Variants in WNT7B observed in about 807,000 individuals in gnomAD.
The protein encoded by WNT7B is Wnt family member 7B.
A neutral mutation model predicts 38.2 loss-of-function variants in WNT7B; 19 were observed. The ratio of observed to expected loss-of-function variants is 0.50; its 90% CI spans 0.35 to 0.73. The LOEUF (loss-of-function observed/expected upper bound fraction) is 0.73, where lower values mean the gene tolerates loss of function less well. Among genes scored for constraint, WNT7B ranks in the 30% least tolerant of loss-of-function variants. The pLI is 0.01. For synonymous variants in WNT7B, 243 were observed against 209.3 expected (o/e 1.16, Z -1.39); for missense variants, 423 against 507.9 (o/e 0.83, Z 1.61).
intron 2 of WNT7B, among the ~76,000 whole-genome samples, chr22:45,940,338 G>T (rs932238241): frequency 3.3e-5 from 5 of 152,044 alleles, no homozygotes; most frequent in Non-Finnish European, 7.4e-5. Context: ...ATCTGACCAG[G>T]ACCCCAGAGT....
chr22:45,927,275 G>T, intron 3 of WNT7B: 1 of 985,380 alleles, frequency 1.0e-6, no homozygotes, highest in Non-Finnish European at 1.2e-6. Flanking sequence ...CAGGCACCCT[G>T]CGGCAGCCCA....
At chr22:45,953,139 TTCCCCTCACAGCCACCGTGTCCGTGCCC>T (rs1569120508) in intron 1 of WNT7B, among the ~76,000 whole-genome samples, 10 of 128,980 alleles carry the variant, frequency 7.8e-5, no homozygotes, top group African/African-American at 2.9e-4. Context: ...CGTGCCCGGC[TTCCCCTCACAGCCACCGTGTCCGTGCCC>T]GGCTTCCCCT....
chr22:45,957,669 C>A (rs1424088899), intron 1 of WNT7B, among the ~76,000 whole-genome samples: 4 of 100,982 alleles, frequency 4.0e-5, no homozygotes, highest in Non-Finnish European at 7.0e-5. Context: ...CGTGAGGGAG[C>A]AAGACTCCGT....
At position 45,960,594 on chromosome 22, in the gene WNT7B, C is replaced by G. The variant is rs181702664; in HGVS notation, c.72-10448G>C. 3.0e-4 allele frequency among the ~76,000 whole-genome samples: 46 copies of G among 152,352 alleles called. No individual in the cohort carries two copies. The East Asian group carries it at 8.5e-3, about 28-fold the overall frequency. Reference sequence around the variant, plus strand: ...GCCCCTGGCCCTGGCTGCCGGGCGGCCCTGGGCTCCTGCGGCCCACGCTTC... The same window carrying G: ...GCCCCTGGCCCTGGCTGCCGGGCGGGCCTGGGCTCCTGCGGCCCACGCTTC... On this transcript the variant is annotated intron_variant, in intron 1 of 3. Transcript: ENST00000339464.
chr22:45,942,968 TGTGC>T (rs1466396892), intron 2 of WNT7B, among the ~76,000 whole-genome samples: 3 of 150,724 alleles, frequency 2.0e-5, no homozygotes, highest in African/African-American at 7.4e-5. Flanking sequence ...TGCATGTGTG[TGTGC>T]GTGTGTGCAG....
In WNT7B at chr22:45,966,844, C is replaced by T. The variant is rs570108709; in HGVS notation, c.71+9840G>A. ...CCTCTGGAAAGGCCAACCACTCCAC[C>T]GGCTGCTTGCACAGAGAACCTGTGA... On this transcript the variant is annotated intron_variant, in intron 1 of 3. Coordinates refer to ENST00000339464, the MANE Select transcript of WNT7B (RefSeq NM_058238.3). The surrounding 1 kb of genome is among the most constrained non-coding windows in gnomAD (Gnocchi z 4.2). 2.6e-5 allele frequency among the ~76,000 whole-genome samples: 4 copies of T among 152,342 alleles called. No homozygotes were observed. Among genetic ancestry groups the T allele is most frequent in the Admixed American group, 6.5e-5 (1 of 15,308 alleles).
chr22:45,925,054 C>T (rs1693966753), intron 3 of WNT7B: 3 of 973,508 alleles, frequency 3.1e-6, no homozygotes, highest in Non-Finnish European at 3.6e-6. Context: ...CAGGTGGGTG[C>T]TGGGTGGGCC....
intron 2 of WNT7B, among the ~76,000 whole-genome samples, chr22:45,944,108 A>C (rs9330796): frequency 0.52 from 79,254 of 152,150 alleles, 22,081 homozygotes; most frequent in African/African-American, 0.72. Flanking sequence ...CACCCAGGGT[A>C]ACACAGTGGG....
At chr22:45,929,777 C>T (rs181505858) in intron 3 of WNT7B, among the ~76,000 whole-genome samples, 3 of 151,224 alleles carry the variant, frequency 2.0e-5, no homozygotes, top group Middle Eastern at 3.4e-3. Context: ...CTTATCCTTC[C>T]ATCCACCCAC....
intron 3 of WNT7B, chr22:45,926,343 G>C: frequency 1.0e-6 from 1 of 985,438 alleles, no homozygotes; most frequent in Non-Finnish European, 1.2e-6. Flanking sequence ...TGCCGCAGGG[G>C]CCGCTCCTCC....
intron 1 of WNT7B, among the ~76,000 whole-genome samples, chr22:45,971,114 T>G (rs1485079372): frequency 4.3e-5 from 5 of 115,858 alleles, no homozygotes; most frequent in South Asian, 2.8e-4. Context: ...TAAATGGGGG[T>G]GGGGGCGAGG....
chr22:45,953,855 G>A (rs937992391), intron 1 of WNT7B, among the ~76,000 whole-genome samples: 4 of 152,160 alleles, frequency 2.6e-5, no homozygotes, highest in Admixed American at 2.0e-4. Context: ...CAATGGTTTG[G>A]CAGTTCCTCA....
At chr22:45,932,212 G>T (rs751254624) in intron 2 of WNT7B, among the ~76,000 whole-genome samples, 1 of 152,172 alleles carries the variant, frequency 6.6e-6, no homozygotes, top group Non-Finnish European at 1.5e-5. Context: ...GGAGGGGAGG[G>T]TCCCAGGTCA....
At chr22:45,929,390 A>C (rs1408122889) in intron 3 of WNT7B, among the ~76,000 whole-genome samples, 3 of 144,794 alleles carry the variant, frequency 2.1e-5, no homozygotes, top group Non-Finnish European at 4.7e-5. Context: ...CCACTCACCC[A>C]TCCATCCTTC....
chr22:45,927,963 G>A (rs1931145037), intron 3 of WNT7B, among the ~76,000 whole-genome samples: 1 of 152,244 alleles, frequency 6.6e-6, no homozygotes, highest in Non-Finnish European at 1.5e-5. Flanking sequence ...GGCAGGGGCT[G>A]GAGGGATGTG....
chr22:45,929,616 ACACCCATC>A (rs1931234462), intron 3 of WNT7B, among the ~76,000 whole-genome samples: 1 of 112,108 alleles, frequency 8.9e-6, no homozygotes, highest in African/African-American at 4.1e-5. Flanking sequence ...ACCTGCCCAT[ACACCCATC>A]CTTCCATCCA....
At position 45,976,688 on chromosome 22, in the gene WNT7B, G is replaced by C; in HGVS notation, c.67C>G (p.Leu23Val). The C allele has an allele frequency of 1.9e-6, 3 of 1,608,778 alleles. No homozygotes were observed. Among genetic ancestry groups the C allele is most frequent in the Non-Finnish European group, 2.5e-6 (3 of 1,177,082 alleles). The change falls in exon 1 of 4, where the codon CTC becomes GTC. Residue 23 changes from leucine (L) to valine (V), a missense_variant. Physicochemically the swap from Leu to Val is conservative, Grantham distance 32. Around this residue, in one of 3 missense-constraint regions of WNT7B, gnomAD observed 133 missense variants for 179.8 expected, o/e 0.74. Coordinates refer to ENST00000339464, the MANE Select transcript of WNT7B (RefSeq NM_058238.3). The surrounding 1 kb of genome is among the most constrained non-coding windows in gnomAD (Gnocchi z 8.5). ...CCTCGCCCACGGGGTACTCACCCGAGCTTCACGTACAGGACGCCAAAGCAG... is the reference window on the plus strand; with the variant it reads ...CCTCGCCCACGGGGTACTCACCCGACCTTCACGTACAGGACGCCAAAGCAG... Reference protein sequence around the residue: ...FLCFGVLYVKLGALSSVVALG... With the variant: ...FLCFGVLYVKVGALSSVVALG...
chr22:45,956,289 T>C (rs1306525630), intron 1 of WNT7B, among the ~76,000 whole-genome samples: 2 of 152,254 alleles, frequency 1.3e-5, no homozygotes, highest in African/African-American at 4.8e-5. Context: ...GGGCCTATCC[T>C]GTGGCGTCCA....
intron 3 of WNT7B, among the ~76,000 whole-genome samples, chr22:45,928,074 C>T (rs963817926): frequency 2.1e-4 from 32 of 152,164 alleles, no homozygotes; most frequent in African/African-American, 3.4e-4. Flanking sequence ...ACCAGCACCT[C>T]GATTTTGGAC....
Sources: gnomAD v4.1 joint callset for allele counts (sites outside exome capture counted in the v4.1 genomes callset) on GRCh38, gnomAD v4.1.1 for gene constraint, gnomAD v4.1.1 regional missense constraint, Gnocchi (gnomAD v3.1) non-coding constraint, MANE v1.5 for transcripts, NCBI Gene and HGNC (gene_info 2026-07-23, HGNC 2026-07-21) for gene names.